GDA: variants seen among roughly 807,000 people sequenced by gnomAD.
The protein encoded by GDA is guanine deaminase.
Under a neutral mutation model 59.6 loss-of-function variants are expected in GDA, and 18 were observed. The ratio of observed to expected loss-of-function variants is 0.30; its 90% confidence interval spans 0.21 to 0.45. GDA has a LOEUF of 0.45. Ranked by LOEUF, GDA falls within the 20% of genes least tolerant of loss-of-function variation. GDA has a pLI of 1.00. For synonymous variants in GDA, 201 were observed against 201.1 expected (o/e 1.00, Z 0.00); for missense variants, 427 against 552.3 (o/e 0.77, Z 2.27).
intron 1 of GDA, among the ~76,000 whole-genome samples, chr9:72,177,060 A>C (rs1019666790): frequency 2.6e-5 from 4 of 152,048 alleles, no homozygotes; most frequent in Non-Finnish European, 5.9e-5. Context: ...TAGTGGGAAA[A>C]ATGATGATCA....
chr9:72,164,989 CAA>C (rs59456635), intron 1 of GDA, among the ~76,000 whole-genome samples: 12 of 130,766 alleles, frequency 9.2e-5, no homozygotes, highest in African/African-American at 1.1e-4. Flanking sequence ...GACTCCATCT[CAA>C]AAAAAAAAAA....
At chr9:72,180,546 C>A (rs971637989) in intron 1 of GDA, among the ~76,000 whole-genome samples, 9 of 152,048 alleles carry the variant, frequency 5.9e-5, no homozygotes, top group African/African-American at 2.2e-4. Flanking sequence ...TAAATTAATT[C>A]TTAGTTGTCT....
At chr9:72,136,415 C>T (rs538406770) in intron 1 of GDA, among the ~76,000 whole-genome samples, 2 of 152,196 alleles carry the variant, frequency 1.3e-5, no homozygotes, top group Non-Finnish European at 2.9e-5. Flanking sequence ...CCTGGGAGAT[C>T]AGTCCTGAAG....
At chr9:72,214,070 A>C (rs1835774894) in intron 5 of GDA, 79 bp downstream of exon 5, 2 of 822,212 alleles carry the variant, frequency 2.4e-6, no homozygotes, top group Admixed American at 3.9e-5. Flanking sequence ...TGGAAAAAGG[A>C]AACAGGATAC....
intron 2 of GDA, among the ~76,000 whole-genome samples, chr9:72,201,145 T>TA (rs1442142674): frequency 6.6e-6 from 1 of 152,118 alleles, no homozygotes; most frequent in Non-Finnish European, 1.5e-5. Context: ...AGCCCTATGA[T>TA]GCTACTACTA....
intron 1 of GDA, among the ~76,000 whole-genome samples, chr9:72,154,099 A>G (rs1258720831): frequency 6.6e-6 from 1 of 152,304 alleles, no homozygotes; most frequent in Admixed American, 6.5e-5. Flanking sequence ...AAAGATGCAT[A>G]AACATGCCTT....
At chr9:72,146,070 A>C (rs1375148934), upstream of GDA, among the ~76,000 whole-genome samples, 1 of 150,982 alleles carries the variant, frequency 6.6e-6, no homozygotes, top group Non-Finnish European at 1.5e-5. Context: ...CACACCCACA[A>C]ACTCAGGGGA....
intron 1 of GDA, among the ~76,000 whole-genome samples, chr9:72,154,516 G>A (rs897332957): frequency 1.3e-5 from 2 of 152,166 alleles, no homozygotes; most frequent in African/African-American, 2.4e-5. Flanking sequence ...ACTGTATGGG[G>A]TGGTCACAGA....
In GDA at chr9:72,249,169, A is replaced by G. The variant is rs901306085; in HGVS notation, c.*827A>G. ...GAGATGTTATTGCTTCCATTTTATTAGAAGAGAAACAAATTCCATGCTTTA... is the reference window on the plus strand; with the variant it reads ...GAGATGTTATTGCTTCCATTTTATTGGAAGAGAAACAAATTCCATGCTTTA... On this transcript the variant is annotated 3_prime_UTR_variant, in exon 14 of 14. Transcript: ENST00000358399. 6.1e-6 allele frequency: 6 copies of G among 982,746 alleles called. No individual in the cohort carries two copies. The African/African-American group carries it at 1.0e-4, about 17-fold the overall frequency. 60.9% of individuals were successfully genotyped at this position (982,746 alleles called of 1,614,324 possible).
At chr9:72,198,407 T>G (rs1385820445) in intron 2 of GDA, among the ~76,000 whole-genome samples, 1 of 151,238 alleles carries the variant, frequency 6.6e-6, no homozygotes, top group Non-Finnish European at 1.5e-5. Context: ...GGCATGGTGG[T>G]GGGCCCCTGT....
chr9:72,116,783 AT>A (rs1825466456), intron 1 of GDA, among the ~76,000 whole-genome samples: 1 of 151,992 alleles, frequency 6.6e-6, no homozygotes, highest in Non-Finnish European at 1.5e-5. Flanking sequence ...TTATTTATTT[AT>A]TTTTATTATA....
At chr9:72,153,498 A>C (rs1171335585) in intron 1 of GDA, among the ~76,000 whole-genome samples, 2 of 150,982 alleles carry the variant, frequency 1.3e-5, no homozygotes, top group Non-Finnish European at 2.9e-5. Flanking sequence ...CCAAAGGACT[A>C]TAAATCATGC....
At chr9:72,143,523 G>T (rs1484014397) in intron 1 of GDA, among the ~76,000 whole-genome samples, 1 of 152,146 alleles carries the variant, frequency 6.6e-6, no homozygotes, top group Non-Finnish European at 1.5e-5. Flanking sequence ...TCAGCAGTAT[G>T]AGTAGGTGAT....
At chr9:72,118,170 G>T (rs1825525439) in intron 1 of GDA, among the ~76,000 whole-genome samples, 1 of 150,340 alleles carries the variant, frequency 6.7e-6, no homozygotes, top group Non-Finnish European at 1.5e-5. Flanking sequence ...TACTCGGGAG[G>T]CTGAGGCAGG....
chr9:72,120,737 G>A (rs890177184), intron 1 of GDA, among the ~76,000 whole-genome samples: 3 of 152,134 alleles, frequency 2.0e-5, no homozygotes, highest in Non-Finnish European at 4.4e-5. Context: ...TGTGCTCTCC[G>A]TGGTAGATAT....
chr9:72,248,134 A>G lies in GDA; in HGVS notation c.1295-138A>G, dbSNP rs1840340275. 3 of 677,982 alleles carry G rather than the reference A, an allele frequency of 4.4e-6. No individual in the cohort carries two copies. In the African/African-American group the frequency reaches 5.3e-5, roughly 12 times the overall value. The allele number at this position is 677,982 out of a possible 1,614,324, so 42.0% of individuals were successfully genotyped here. On this transcript the variant is annotated intron_variant, in intron 13 of 13. Coordinates refer to ENST00000358399, the MANE Select transcript of GDA (RefSeq NM_004293.5). ...ATATCTTCCTGTTCAGATTATAAAC[A>G]ATCTGAGGGTTGGGGGAAAGCAGCT...
intron 1 of GDA, among the ~76,000 whole-genome samples, chr9:72,164,286 G>A (rs1343104124): frequency 2.0e-5 from 3 of 152,146 alleles, no homozygotes; most frequent in Non-Finnish European, 4.4e-5. Flanking sequence ...GGAAGACAAC[G>A]GGAGGGTATT....
intron 1 of GDA, among the ~76,000 whole-genome samples, chr9:72,192,466 G>T (rs1484350947): frequency 6.7e-6 from 1 of 150,296 alleles, no homozygotes; most frequent in Non-Finnish European, 1.5e-5. Context: ...TCCTGACCTC[G>T]TGATTCACCT....
intron 1 of GDA, among the ~76,000 whole-genome samples, chr9:72,133,287 T>TAAAAA (rs1257876460): frequency 1.3e-4 from 12 of 95,528 alleles, no homozygotes; most frequent in South Asian, 6.5e-4. Context: ...AGACTCTGTC[T>TAAAAA]AAAAAAAAAA....
Sources: allele counts gnomAD v4.1 joint callset (sites outside exome capture counted in the v4.1 genomes callset), GRCh38; gene constraint gnomAD v4.1.1; transcripts MANE v1.5; gene names NCBI Gene and HGNC (gene_info 2026-07-23, HGNC 2026-07-21).